The following LRRC9 variants were observed in gnomAD, a reference collection of about 807,000 sequenced individuals.
LRRC9 encodes leucine rich repeat containing 9.
LRRC9 carries 122 observed loss-of-function variants against 63.2 expected under a neutral mutation model. The ratio of observed to expected loss-of-function variants is 1.93; its 90% confidence interval spans 1.67 to 2.24. LRRC9 has a LOEUF of 2.24. Ranked by LOEUF, LRRC9 falls within the 30% of genes most tolerant of loss-of-function variation. The pLI is 0.00. For missense variants in LRRC9, 1,071 were observed against 627.7 expected (o/e 1.71, Z -7.55); for synonymous variants, 366 against 213.1 (o/e 1.72, Z -6.25).
Position 59,966,222 on chromosome 14 carries a change from G to A in LRRC9, c.1212-367G>A, listed in dbSNP as rs762011688. ...GGAACCACGTGAAATCATCTAGGGA[G>A]AGTGTTCGTGGAAGCAAGAGGAAGG... On this transcript the variant is annotated intron_variant, in intron 10 of 31. Transcript: ENST00000445360. This position sits in a 1 kb window ranked among gnomAD's most constrained non-coding sequence, Gnocchi z 4.0. Among the ~76,000 whole-genome samples, 1 of 152,136 alleles carries A rather than the reference G, an allele frequency of 6.6e-6. No homozygotes were observed. The highest frequency in any genetic ancestry group is 1.5e-5 in the Non-Finnish European group (1 of 68,038).
intron 29 of LRRC9, among the ~76,000 whole-genome samples, chr14:60,038,065 C>A (rs1170722607): frequency 6.6e-6 from 1 of 152,150 alleles, no homozygotes; most frequent in Non-Finnish European, 1.5e-5. Flanking sequence ...TATCAAAGAT[C>A]AGATGGTTGT....
intron 27 of LRRC9, among the ~76,000 whole-genome samples, chr14:60,023,672 T>C (rs574080488): frequency 6.6e-6 from 1 of 152,292 alleles, no homozygotes; most frequent in African/African-American, 2.4e-5. Context: ...ATACTTCAAG[T>C]TCTGGGATAC....
At chr14:60,033,934 G>C (rs1234840816) in intron 29 of LRRC9, among the ~76,000 whole-genome samples, 1 of 150,572 alleles carries the variant, frequency 6.6e-6, no homozygotes. Flanking sequence ...TATAAAGCTA[G>C]TCACGTTTGT....
intron 7 of LRRC9, among the ~76,000 whole-genome samples, chr14:59,939,020 T>TATAC (rs34351201): frequency 0.41 from 60,194 of 146,472 alleles, 12,884 homozygotes; most frequent in East Asian, 0.63. Flanking sequence ...TACACATATA[T>TATAC]ATATACATAT....
At chr14:59,961,259 C>A (rs1484230222) in intron 10 of LRRC9, among the ~76,000 whole-genome samples, 1 of 152,156 alleles carries the variant, frequency 6.6e-6, no homozygotes, top group East Asian at 1.9e-4. Context: ...TTACCGTGAG[C>A]CAACCTTGAA....
At chr14:59,991,129 G>A (rs1377760040) in intron 17 of LRRC9, among the ~76,000 whole-genome samples, 6 of 152,122 alleles carry the variant, frequency 3.9e-5, no homozygotes, top group Non-Finnish European at 7.4e-5. Flanking sequence ...GTTTATTCCA[G>A]TATTGTAAAA....
intron 17 of LRRC9, among the ~76,000 whole-genome samples, chr14:59,988,875 T>C (rs1887761523): frequency 6.6e-6 from 1 of 152,138 alleles, no homozygotes; most frequent in Non-Finnish European, 1.5e-5. Context: ...TTAATAACAG[T>C]TTAGCTATGT....
At chr14:59,970,007 G>C (rs1433094316) in intron 12 of LRRC9, among the ~76,000 whole-genome samples, 1 of 152,110 alleles carries the variant, frequency 6.6e-6, no homozygotes, top group Non-Finnish European at 1.5e-5. Context: ...GTGTAGGTTT[G>C]TTATTAGGTA....
chr14:59,953,247 A>C (rs529587015), intron 8 of LRRC9, among the ~76,000 whole-genome samples: 1 of 152,318 alleles, frequency 6.6e-6, no homozygotes, highest in Non-Finnish European at 1.5e-5. Context: ...GTCTTCCACA[A>C]TGGTTGAACT....
rs1296910161 is a variant in LRRC9 at position 60,053,218 on chromosome 14, T to C, written c.4131+13T>C. 5.8e-6 allele frequency: 4 copies of C among 687,636 alleles called. No individual in the cohort carries two copies. Among genetic ancestry groups the C allele is most frequent in the South Asian group, 4.6e-5 (3 of 64,580 alleles). The allele number at this position is 687,636 out of a possible 1,614,324, so 42.6% of individuals were successfully genotyped here. A position where few individuals can be genotyped will look rare whatever the true frequency, so the allele number is the denominator to read the frequency against. On this transcript the variant is annotated intron_variant, in intron 30 of 31. Coordinates refer to ENST00000445360, the Ensembl canonical transcript of LRRC9. The surrounding 1 kb of genome is among the most constrained non-coding windows in gnomAD (Gnocchi z 4.8). Reference sequence around the variant, plus strand: ...AAAGAAAAACTCGGTAATAATTATATTATTTACAATTTTCCTTTTGAAGCA... The same window carrying C: ...AAAGAAAAACTCGGTAATAATTATACTATTTACAATTTTCCTTTTGAAGCA...
In LRRC9 at chr14:59,990,891, C is replaced by T. The variant is rs1397730292; in HGVS notation, c.2211+5667C>T. Among the ~76,000 whole-genome samples, 2 of 152,248 alleles carry T rather than the reference C, an allele frequency of 1.3e-5. No individual in the cohort carries two copies. The highest frequency in any genetic ancestry group is 2.4e-5 in the African/African-American group (1 of 41,466). On this transcript the variant is annotated intron_variant, in intron 17 of 31. Transcript: ENST00000445360. This position sits in a 1 kb window ranked among gnomAD's most constrained non-coding sequence, Gnocchi z 4.2. Reference sequence around the variant, plus strand: ...GCCCTGACACTTCCTTCTTCTCCCACATGAATACCATGCAGGTCTTGTGTT... The same window carrying T: ...GCCCTGACACTTCCTTCTTCTCCCATATGAATACCATGCAGGTCTTGTGTT...
Position 59,931,607 on chromosome 14 carries a change from C to T in LRRC9, c.409-12C>T. On this transcript the variant is annotated splice_polypyrimidine_tract_variant and intron_variant, in intron 4 of 31. Transcript: ENST00000445360. ...TTATCTGTTCTAAATAATATGTTGT[C>T]TAAATTTTTAGGGTTTGCAAACTTT... is the stretch of plus-strand genomic sequence containing the variant. 1 of 689,050 alleles carries T rather than the reference C, an allele frequency of 1.5e-6. No homozygotes were observed. The highest frequency in any genetic ancestry group is 2.6e-6 in the Non-Finnish European group (1 of 380,382). The allele number at this position is 689,050 out of a possible 1,614,324, so 42.7% of individuals were successfully genotyped here. A position where few individuals can be genotyped will look rare whatever the true frequency, so the allele number is the denominator to read the frequency against.
chr14:59,928,302 G>A, exon 3 of LRRC9: 1 of 639,058 alleles, frequency 1.6e-6, no homozygotes, highest in Non-Finnish European at 2.8e-6. Context: ...GAGATGGTTG[G>A]ACAAGAAGGA....
intron 30 of LRRC9, 119 bp from the exon 31 acceptor site, chr14:60,057,759 C>T (rs1473007640): frequency 2.5e-5 from 11 of 437,334 alleles, no homozygotes; most frequent in Admixed American, 2.5e-4. Context: ...TTTAGGCAAG[C>T]AGGTAGCTCC....
At chr14:60,016,713 T>C (rs1422845245) in exon 24 of LRRC9, 1 of 701,560 alleles carries the variant, frequency 1.4e-6, no homozygotes. Context: ...GACTTACTTC[T>C]GACATGATTG....
At chr14:59,959,229 CA>C (rs932459638) in intron 8 of LRRC9, among the ~76,000 whole-genome samples, 29 of 151,990 alleles carry the variant, frequency 1.9e-4, no homozygotes, top group East Asian at 9.6e-4. Flanking sequence ...CAAATTAATG[CA>C]AAAAGTTCAT....
At chr14:59,948,416 G>A (rs1189377451) in intron 8 of LRRC9, among the ~76,000 whole-genome samples, 175 of 136,962 alleles carry the variant, frequency 1.3e-3, no homozygotes, top group Non-Finnish European at 2.0e-3. Flanking sequence ...GGGCTGAGAC[G>A]ATGGGGTTTT....
Position 59,958,160 on chromosome 14 carries a change from T to A in LRRC9, c.883-1658T>A, listed in dbSNP as rs1883975917. ...CCTTAGCAGAGCTGGTGCACTGTGCTGGGCGAATCCCTCTTGTCAGGATTA... is the reference window on the plus strand; with the variant it reads ...CCTTAGCAGAGCTGGTGCACTGTGCAGGGCGAATCCCTCTTGTCAGGATTA... On this transcript the variant is annotated intron_variant, in intron 8 of 31. Transcript: ENST00000445360. This position sits in a 1 kb window ranked among gnomAD's most constrained non-coding sequence, Gnocchi z 4.0. 6.6e-6 allele frequency among the ~76,000 whole-genome samples: 1 copy of A among 152,202 alleles called. No homozygotes were observed. The highest frequency in any genetic ancestry group is 2.4e-5 in the African/African-American group (1 of 41,452).
rs1374705340 is a variant in LRRC9, at chr14:60,027,748, C to G, written c.3704-136C>G. The G allele has an allele frequency of 5.7e-6, 3 of 528,230 alleles. No individual in the cohort carries two copies. Among genetic ancestry groups the G allele is most frequent in the Admixed American group, 7.3e-5 (2 of 27,358 alleles). The allele number at this position is 528,230 out of a possible 1,614,324, so 32.7% of individuals were successfully genotyped here. A position where few individuals can be genotyped will look rare whatever the true frequency, so the allele number is the denominator to read the frequency against. On this transcript the variant is annotated intron_variant, in intron 27 of 31. Transcript: ENST00000445360. The surrounding 1 kb of genome is among the most constrained non-coding windows in gnomAD (Gnocchi z 4.0). ...TCCTGTAAATTACATTTCAATTTCT[C>G]TTTGGAAATAAGTTTCTTGAATCCT...
Sources: gnomAD v4.1 joint callset for allele counts (sites outside exome capture counted in the v4.1 genomes callset) on GRCh38, gnomAD v4.1.1 for gene constraint, Gnocchi (gnomAD v3.1) non-coding constraint, MANE v1.5 for transcripts, NCBI Gene and HGNC (gene_info 2026-07-23, HGNC 2026-07-21) for gene names.